MTFMT: variants seen among roughly 807,000 people sequenced by gnomAD.
The protein encoded by MTFMT is mitochondrial methionyl-tRNA formyltransferase, also known as methionyl-tRNA formyltransferase, mitochondrial.
A neutral mutation model predicts 51.8 loss-of-function variants in MTFMT; 47 were observed. That is an observed-to-expected ratio of 0.91 (90% CI 0.72 to 1.16). MTFMT has a LOEUF of 1.16. Among genes scored for constraint, MTFMT ranks in the 50% most tolerant of loss-of-function variants. MTFMT has a pLI of 0.00. For missense variants in MTFMT, 512 were observed against 482.3 expected, an observed-to-expected ratio of 1.06 and a Z score of -0.58; for synonymous variants, 196 against 176.7, an observed-to-expected ratio of 1.11 and a Z score of -0.87.
At chr15:65,003,793 T>C (rs766227612) in intron 8 of MTFMT, among the ~76,000 whole-genome samples, 2 of 129,644 alleles carry the variant, frequency 1.5e-5, no homozygotes, top group Admixed American at 9.3e-5. Context: ...GAGGTGGAGG[T>C]TGCAGTGAGC....
At chr15:65,015,198 G>A (rs1033560537) in intron 6 of MTFMT, among the ~76,000 whole-genome samples, 12 of 152,070 alleles carry the variant, frequency 7.9e-5, no homozygotes, top group Non-Finnish European at 1.8e-4. Context: ...AGTCTACGAC[G>A]TTAGGAAGTA....
At chr15:65,004,761 C>T (rs146213401) in intron 8 of MTFMT, 93 bp downstream of exon 8, 3 of 690,652 alleles carry the variant, frequency 4.3e-6, no homozygotes, top group African/African-American at 3.7e-5. Flanking sequence ...TATGGACAGG[C>T]AGTTAAGTGA....
chr15:65,022,537 A>G (rs769434436), intron 3 of MTFMT, among the ~76,000 whole-genome samples: 1 of 150,858 alleles, frequency 6.6e-6, no homozygotes, highest in Non-Finnish European at 1.5e-5. Flanking sequence ...AACACTGGTC[A>G]TAGGTTTTCA....
chr15:65,004,831 C>T (rs751085275), intron 8 of MTFMT, 23 bp downstream of exon 8: 2 of 1,503,844 alleles, frequency 1.3e-6, no homozygotes, highest in Non-Finnish European at 1.8e-6. Flanking sequence ...ACTATGATAA[C>T]TTGAAACTAA....
chr15:65,014,652 G>C (rs1206699470), intron 6 of MTFMT, among the ~76,000 whole-genome samples: 2 of 140,524 alleles, frequency 1.4e-5, no homozygotes, highest in African/African-American at 5.3e-5. Flanking sequence ...TTTTGAGACA[G>C]AGTCTTGCTC....
At chr15:65,005,005 A>C in intron 7 of MTFMT, 69 bp from the exon 8 acceptor site, 1 of 1,094,170 alleles carries the variant, frequency 9.1e-7, no homozygotes, top group East Asian at 2.4e-5. Context: ...AGTACTTCTT[A>C]AAAATCAAAA....
At chr15:65,005,004 T>A in intron 7 of MTFMT, 68 bp from the exon 8 acceptor site, 1 of 1,135,836 alleles carries the variant, frequency 8.8e-7, no homozygotes, top group Non-Finnish European at 1.3e-6. Flanking sequence ...TAGTACTTCT[T>A]AAAAATCAAA....
At chr15:65,009,518 A>C (rs2086245416) in intron 6 of MTFMT, among the ~76,000 whole-genome samples, 1 of 152,148 alleles carries the variant, frequency 6.6e-6, no homozygotes, top group Non-Finnish European at 1.5e-5. Context: ...AATTTCCCAG[A>C]TTCCATCAGC....
chr15:65,016,606 G>C, intron 5 of MTFMT, 79 bp from the exon 6 acceptor site: 1 of 818,082 alleles, frequency 1.2e-6, no homozygotes, highest in South Asian at 2.2e-5. Flanking sequence ...CTGAATAAGA[G>C]ATACCAGAGA....
chr15:65,016,440 T>G lies in MTFMT; in HGVS notation c.809A>C (p.Asn270Thr). The G allele has an allele frequency of 6.3e-7, 1 of 1,598,308 alleles. No homozygotes were observed. The highest frequency in any genetic ancestry group is 8.6e-7 in the Non-Finnish European group (1 of 1,169,548). ...QIFRLYRAIG[N>T]IIPLQTLWMA... ...CAACCTGACTTCCCAACTTACTATATTTCCAATGGCACGGTAAAGTCTGAA... is the reference window on the plus strand; with the variant it reads ...CAACCTGACTTCCCAACTTACTATAGTTCCAATGGCACGGTAAAGTCTGAA... The change falls in exon 6 of 9, where the codon AAT becomes ACT. Residue 270 changes from asparagine (N) to threonine (T), a missense_variant. By Grantham distance (65) the Asn-to-Thr change is moderately conservative (BLOSUM62 0). Transcript: ENST00000220058.
chr15:65,009,735 C>A (rs1239788847), intron 6 of MTFMT, among the ~76,000 whole-genome samples: 1 of 152,028 alleles, frequency 6.6e-6, no homozygotes, highest in Non-Finnish European at 1.5e-5. Context: ...CTCACTGCAG[C>A]CTCAACCTCC....
At chr15:65,013,780 C>T (rs1199842594) in intron 6 of MTFMT, among the ~76,000 whole-genome samples, 1 of 151,810 alleles carries the variant, frequency 6.6e-6, no homozygotes, top group East Asian at 1.9e-4. Context: ...CCCATCTCTA[C>T]TAAAAATACA....
chr15:65,021,551 T>C lies in MTFMT; in HGVS notation c.608A>G (p.Glu203Gly). The change falls in exon 4 of 9, where the codon GAA becomes GGA. Residue 203 changes from glutamate (E) to glycine (G), a missense_variant. By Grantham distance (98) the Glu-to-Gly change is moderately conservative. Coordinates refer to ENST00000220058, the MANE Select transcript of MTFMT (RefSeq NM_139242.4). Reference sequence around the variant, plus strand: ...CAGTCTTGACAACACTGCTTCCAATTCCTTTGCAGTGCTCTTGGGTGGCAC... The same window carrying C: ...CAGTCTTGACAACACTGCTTCCAATCCCTTTGCAGTGCTCTTGGGTGGCAC... ...VPVPPKSTAK[E>G]LEAVLSRLGA... The C allele has an allele frequency of 6.2e-7, 1 of 1,609,448 alleles. No individual in the cohort carries two copies. The highest frequency in any genetic ancestry group is 8.5e-7 in the Non-Finnish European group (1 of 1,176,314).
At chr15:65,008,224 G>T (rs1047237205) in intron 6 of MTFMT, among the ~76,000 whole-genome samples, 1 of 152,000 alleles carries the variant, frequency 6.6e-6, no homozygotes, top group Admixed American at 6.6e-5. Flanking sequence ...CACTTACTAT[G>T]ATTTTAAAAG....
intron 4 of MTFMT, among the ~76,000 whole-genome samples, chr15:65,020,913 T>C (rs1368568503): frequency 6.6e-6 from 1 of 152,164 alleles, no homozygotes; most frequent in African/African-American, 2.4e-5. Context: ...ATTTGTGAGG[T>C]AAGTGCCTAG....
At position 65,004,942 on chromosome 15, in the gene MTFMT, G is replaced by A. The variant is rs1161084388; in HGVS notation, c.893-6C>T. Reference sequence around the variant, plus strand: ...CTGTCCCGTTAATTTTGGATCTGAAGAATGGAAAAAAGAAAAGATATACAA... The same window carrying A: ...CTGTCCCGTTAATTTTGGATCTGAAAAATGGAAAAAAGAAAAGATATACAA... On this transcript the variant is annotated splice_region_variant and splice_polypyrimidine_tract_variant and intron_variant, in intron 7 of 8. Coordinates refer to ENST00000220058, the MANE Select transcript of MTFMT (RefSeq NM_139242.4). 23 of 1,602,178 alleles carry A rather than the reference G, an allele frequency of 1.4e-5. No individual in the cohort carries two copies. The highest frequency in any genetic ancestry group is 2.2e-5 in the East Asian group (1 of 44,700).
At chr15:65,024,762 A>T (rs2086407535) in intron 2 of MTFMT, among the ~76,000 whole-genome samples, 1 of 152,194 alleles carries the variant, frequency 6.6e-6, no homozygotes, top group African/African-American at 2.4e-5. Flanking sequence ...AAAACAAAAT[A>T]TGTACAAGGT....
chr15:65,006,063 A>G, intron 7 of MTFMT, 50 bp downstream of exon 7: 3 of 1,318,032 alleles, frequency 2.3e-6, no homozygotes, highest in Non-Finnish European at 3.3e-6. Context: ...GTATTTCCAG[A>G]TACACTACAG....
chr15:65,018,177 AC>A lies in MTFMT; in HGVS notation c.722-1651del, dbSNP rs1354248925. On this transcript the variant is annotated intron_variant, in intron 5 of 8. Coordinates refer to ENST00000220058, the MANE Select transcript of MTFMT (RefSeq NM_139242.4). ...AGCAATCCCTAAAATAAAAAAAAAA[AC>A]AACTGAAACTTAACTATGTATGAAA... Among the ~76,000 whole-genome samples, 8 of 151,890 alleles carry A rather than the reference AC, an allele frequency of 5.3e-5. No individual in the cohort carries two copies. In the South Asian group the frequency reaches 8.4e-4, roughly 16 times the overall value.
Sources: gnomAD v4.1 joint callset for allele counts (sites outside exome capture counted in the v4.1 genomes callset) on GRCh38, gnomAD v4.1.1 for gene constraint, MANE v1.5 for transcripts, NCBI Gene and HGNC (gene_info 2026-07-23, HGNC 2026-07-21) for gene names.